Variants in TGFBR3 observed in about 807,000 individuals in gnomAD.
TGFBR3 encodes the protein transforming growth factor beta receptor 3.
TGFBR3 carries 46 observed loss-of-function variants against 87.9 expected under a neutral mutation model. That is an observed-to-expected ratio of 0.52 (90% CI 0.41 to 0.67). The LOEUF is 0.67. Among genes scored for constraint, TGFBR3 ranks in the 30% least tolerant of loss-of-function variants. The pLI is 0.00. For synonymous variants in TGFBR3, 381 were observed against 391.6 expected (o/e 0.97, Z 0.32); for missense variants, 866 against 1,041.9 (o/e 0.83, Z 2.32).
At chr1:91,687,689 G>A (rs1203877607) in intron 16 of TGFBR3, among the ~76,000 whole-genome samples, 1 of 152,166 alleles carries the variant, frequency 6.6e-6, no homozygotes, top group Non-Finnish European at 1.5e-5. Flanking sequence ...TATCTCCCTG[G>A]AGGGCAGAAC....
rs148518308 is a variant in TGFBR3, at chr1:91,800,228, CAAA to C, written c.62-2760_62-2758del. On this transcript the variant is annotated intron_variant, in intron 2 of 16. Transcript: ENST00000212355. Reference sequence around the variant, plus strand: ...GCAATATGATGAAACCCCATCTCTACAAAAAAAAAAAAAATATATATATATATA... The same window carrying C: ...GCAATATGATGAAACCCCATCTCTACAAAAAAAAAAATATATATATATATA... Among the ~76,000 whole-genome samples, 786 of 114,304 alleles carry C rather than the reference CAAA, an allele frequency of 6.9e-3. 7 individuals are homozygous for C. The highest frequency in any genetic ancestry group is 0.019 in the African/African-American group (522 of 27,176). The allele number at this position is 114,304 out of a possible 152,430, so 75.0% of individuals were successfully genotyped here.
intron 2 of TGFBR3, among the ~76,000 whole-genome samples, chr1:91,802,516 A>G (rs1157599996): frequency 1.3e-5 from 2 of 151,922 alleles, no homozygotes; most frequent in African/African-American, 4.8e-5. Context: ...GCCCGCCATC[A>G]CACCCAGCTA....
At chr1:91,750,408 G>A (rs1008686695) in intron 4 of TGFBR3, among the ~76,000 whole-genome samples, 1 of 152,042 alleles carries the variant, frequency 6.6e-6, no homozygotes, top group African/African-American at 2.4e-5. Context: ...GCCACAATAG[G>A]GCCAAAAACT....
At chr1:91,698,260 G>T in intron 14 of TGFBR3, 130 bp from the exon 15 acceptor site, 1 of 814,226 alleles carries the variant, frequency 1.2e-6, no homozygotes, top group South Asian at 1.4e-5. Flanking sequence ...CTCTGTCAAT[G>T]ATCCTCTTTA....
At chr1:91,716,468 T>C (rs1672176048) in intron 11 of TGFBR3, 74 bp from the exon 12 acceptor site, 1 of 1,614,000 alleles carries the variant, frequency 6.2e-7, no homozygotes, top group Admixed American at 1.7e-5. Context: ...TCATGAGCTT[T>C]GGCTTTTAAC....
chr1:91,867,816 C>A (rs549626559), intron 1 of TGFBR3, among the ~76,000 whole-genome samples: 1 of 152,308 alleles, frequency 6.6e-6, no homozygotes, highest in South Asian at 2.1e-4. Context: ...TTAGCCCCTA[C>A]CACGCCCTCA....
intron 16 of TGFBR3, among the ~76,000 whole-genome samples, chr1:91,688,832 G>T (rs1397247664): frequency 6.6e-6 from 1 of 151,974 alleles, no homozygotes; most frequent in East Asian, 1.9e-4. Context: ...GAGGCCTGAG[G>T]TTTCTCCAGG....
At chr1:91,849,354 TCCCATTCCAGCAGGCACCTGGCCCA>T (rs775964186) in intron 2 of TGFBR3, among the ~76,000 whole-genome samples, 84 of 152,222 alleles carry the variant, frequency 5.5e-4, no homozygotes, top group Non-Finnish European at 1.0e-3. Context: ...CTCTCTGACT[TCCCATTCCAGCAGGCACCTGGCCCA>T]CCTGCTATTG....
chr1:91,800,231 A>AC, intron 2 of TGFBR3, among the ~76,000 whole-genome samples: 1 of 39,752 alleles, frequency 2.5e-5, no homozygotes, highest in East Asian at 9.8e-4. Flanking sequence ...ATCTCTACAA[A>AC]AAAAAAAAAA....
intron 4 of TGFBR3, among the ~76,000 whole-genome samples, chr1:91,743,273 G>T (rs970288208): frequency 1.3e-5 from 2 of 152,128 alleles, no homozygotes; most frequent in Non-Finnish European, 2.9e-5. Flanking sequence ...AGAGGAACTT[G>T]CTGTGGATAG....
At chr1:91,824,271 T>C (rs992438574) in intron 2 of TGFBR3, among the ~76,000 whole-genome samples, 11 of 152,214 alleles carry the variant, frequency 7.2e-5, no homozygotes, top group African/African-American at 2.7e-4. Context: ...CTATAATTTA[T>C]TGGCTGTTTA....
intron 15 of TGFBR3, 138 bp downstream of exon 15, chr1:91,697,951 G>A: frequency 2.5e-6 from 2 of 792,460 alleles, no homozygotes; most frequent in South Asian, 2.9e-5. Context: ...AGCAAAAAGG[G>A]GAAAGGGGAA....
At chr1:91,718,833 T>C (rs1463285866) in intron 10 of TGFBR3, among the ~76,000 whole-genome samples, 1 of 152,204 alleles carries the variant, frequency 6.6e-6, no homozygotes, top group Non-Finnish European at 1.5e-5. Context: ...TAAAGGTCCT[T>C]TTTGAGTTTT....
chr1:91,759,519 A>G (rs1368596531), intron 3 of TGFBR3, among the ~76,000 whole-genome samples: 1 of 152,158 alleles, frequency 6.6e-6, no homozygotes, highest in Admixed American at 6.5e-5. Context: ...GCACCTGTGA[A>G]TGGAGCTGCA....
chr1:91,793,348 T>TG (rs1675261178), intron 3 of TGFBR3, among the ~76,000 whole-genome samples: 1 of 152,096 alleles, frequency 6.6e-6, no homozygotes, highest in South Asian at 2.1e-4. Context: ...CAAGGGGAAA[T>TG]GGGGCTGATT....
intron 14 of TGFBR3, among the ~76,000 whole-genome samples, chr1:91,703,623 T>A (rs978339575): frequency 9.9e-5 from 15 of 152,034 alleles, no homozygotes; most frequent in Admixed American, 8.5e-4. Context: ...TTTCACAATT[T>A]AAAAAAAATC....
At chr1:91,858,035 G>T (rs1007298269) in intron 2 of TGFBR3, among the ~76,000 whole-genome samples, 4 of 152,166 alleles carry the variant, frequency 2.6e-5, no homozygotes, top group African/African-American at 9.7e-5. Context: ...CCATTTATTA[G>T]CTGTGTGACC....
rs11466577 is a variant in TGFBR3 at position 91,734,979 on chromosome 1, G to T, written c.385-20C>A. The T allele has an allele frequency of 2.2e-4, 358 of 1,613,798 alleles. 1 individual carries two copies. The African/African-American group carries it at 4.3e-3, about 19-fold the overall frequency. ...AGACACCTAGAGGAAAGAGAATTGC[G>T]TATTTAACATGGTGCAGTCACCGGA... On this transcript the variant is annotated intron_variant, in intron 4 of 16. Coordinates refer to ENST00000212355, the MANE Select transcript of TGFBR3 (RefSeq NM_003243.5).
At chr1:91,857,485 G>A (rs1388802660) in intron 2 of TGFBR3, among the ~76,000 whole-genome samples, 1 of 152,170 alleles carries the variant, frequency 6.6e-6, no homozygotes, top group Non-Finnish European at 1.5e-5. Flanking sequence ...TCAAGATCTA[G>A]AGCTTCCACA....
Sources: allele counts gnomAD v4.1 joint callset (sites outside exome capture counted in the v4.1 genomes callset), GRCh38; gene constraint gnomAD v4.1.1; transcripts MANE v1.5; gene names NCBI Gene and HGNC (gene_info 2026-07-23, HGNC 2026-07-21).